The following AUTS2 variants were observed in gnomAD, a reference collection of about 807,000 sequenced individuals.
AUTS2 encodes the protein autism susceptibility gene 2 protein.
In AUTS2, 17 loss-of-function variants were observed where a neutral mutation model predicts 112.4. The ratio of observed to expected loss-of-function variants is 0.15; its 90% CI spans 0.10 to 0.23. The LOEUF (loss-of-function observed/expected upper bound fraction) is 0.23, where lower values mean the gene tolerates loss of function less well. Ranked by LOEUF, AUTS2 falls within the 10% of genes least tolerant of loss-of-function variation. The probability of loss-of-function intolerance (pLI) is 1.00; values close to 1 mark genes in which losing one functional copy is unlikely to be tolerated. For missense variants in AUTS2, 1,510 were observed against 1,701.6 expected (o/e 0.89, Z 1.98); for synonymous variants, 751 against 702.7 (o/e 1.07, Z -1.09).
At chr7:69,682,170 C>T (rs1175119008) in intron 1 of AUTS2, among the ~76,000 whole-genome samples, 1 of 152,190 alleles carries the variant, frequency 6.6e-6, no homozygotes, top group East Asian at 1.9e-4. Flanking sequence ...TGGTCATACT[C>T]CACATTTGGG....
chr7:69,620,272 G>T (rs1352438050), intron 1 of AUTS2, among the ~76,000 whole-genome samples: 1 of 152,120 alleles, frequency 6.6e-6, no homozygotes, highest in Non-Finnish European at 1.5e-5. Flanking sequence ...CTCTCTACTG[G>T]GCAAGGCTAT....
At chr7:70,561,635 G>A (rs1801490532) in intron 5 of AUTS2, among the ~76,000 whole-genome samples, 1 of 152,070 alleles carries the variant, frequency 6.6e-6, no homozygotes, top group South Asian at 2.1e-4. Flanking sequence ...AACCAGATGT[G>A]TATTAGGCTG....
At chr7:69,744,201 C>T (rs770337791) in intron 1 of AUTS2, among the ~76,000 whole-genome samples, 8 of 152,120 alleles carry the variant, frequency 5.3e-5, no homozygotes, top group East Asian at 1.9e-4. Context: ...TGTGTTTAGC[C>T]GTTCTGCTGG....
chr7:70,046,637 C>T (rs1801517254), intron 2 of AUTS2, among the ~76,000 whole-genome samples: 1 of 152,142 alleles, frequency 6.6e-6, no homozygotes, highest in Non-Finnish European at 1.5e-5. Flanking sequence ...TTTATTGGAA[C>T]ATATGATGAG....
At chr7:70,526,790 T>C (rs1799859750) in intron 5 of AUTS2, among the ~76,000 whole-genome samples, 1 of 152,248 alleles carries the variant, frequency 6.6e-6, no homozygotes, top group Non-Finnish European at 1.5e-5. Flanking sequence ...ATCTGCCTTA[T>C]GTGTGCCTTT....
chr7:70,205,636 T>C (rs1406937518), intron 4 of AUTS2, among the ~76,000 whole-genome samples: 1 of 152,202 alleles, frequency 6.6e-6, no homozygotes, highest in Non-Finnish European at 1.5e-5. Flanking sequence ...CCTAGGTGTA[T>C]AGCAGACTGT....
chr7:69,737,367 T>G (rs1319642345), intron 1 of AUTS2, among the ~76,000 whole-genome samples: 1 of 152,186 alleles, frequency 6.6e-6, no homozygotes, highest in Non-Finnish European at 1.5e-5. Context: ...CCTAATTGTA[T>G]AGATGAGGAA....
chr7:70,735,507 T>A (rs1787730379), intron 6 of AUTS2, among the ~76,000 whole-genome samples: 1 of 152,152 alleles, frequency 6.6e-6, no homozygotes, highest in African/African-American at 2.4e-5. Context: ...AAGAATGCAT[T>A]AGCCTTTGAC....
intron 5 of AUTS2, among the ~76,000 whole-genome samples, chr7:70,491,589 T>TTTTGTG (rs1554411449): frequency 3.6e-5 from 5 of 138,804 alleles, no homozygotes; most frequent in South Asian, 2.3e-4. Context: ...TGTATATATA[T>TTTTGTG]TGTGTGTGTG....
At chr7:70,729,784 A>C (rs1193706971) in intron 6 of AUTS2, among the ~76,000 whole-genome samples, 1 of 152,222 alleles carries the variant, frequency 6.6e-6, no homozygotes, top group Non-Finnish European at 1.5e-5. Context: ...TAATTGAATG[A>C]ACTGTATAAG....
chr7:69,663,925 G>A (rs781637785), intron 1 of AUTS2, among the ~76,000 whole-genome samples: 1 of 152,190 alleles, frequency 6.6e-6, no homozygotes, highest in Admixed American at 6.5e-5. Context: ...CAAACAAATT[G>A]TAATGCAGAA....
At chr7:70,253,443 A>G (rs1233011809) in intron 4 of AUTS2, among the ~76,000 whole-genome samples, 1 of 152,098 alleles carries the variant, frequency 6.6e-6, no homozygotes, top group Non-Finnish European at 1.5e-5. Context: ...GATTGTTGTT[A>G]TCTGCCAGCT....
At chr7:70,619,545 G>A (rs1804558008) in intron 5 of AUTS2, among the ~76,000 whole-genome samples, 1 of 146,892 alleles carries the variant, frequency 6.8e-6, no homozygotes, top group Non-Finnish European at 1.5e-5. Context: ...CAAATAATTA[G>A]AAGTGCTGGT....
chr7:69,805,039 A>G (rs1401708108), intron 1 of AUTS2, among the ~76,000 whole-genome samples: 1 of 152,172 alleles, frequency 6.6e-6, no homozygotes, highest in Admixed American at 6.6e-5. Flanking sequence ...GGACAGTTAT[A>G]TCTTCCTTTA....
intron 5 of AUTS2, among the ~76,000 whole-genome samples, chr7:70,441,627 T>G (rs2130936671): frequency 6.6e-6 from 1 of 152,316 alleles, no homozygotes; most frequent in South Asian, 2.1e-4. Flanking sequence ...CCTCAAGTGA[T>G]CCTCCTGCCT....
intron 2 of AUTS2, among the ~76,000 whole-genome samples, chr7:70,067,157 G>A (rs1802535616): frequency 6.6e-6 from 1 of 152,166 alleles, no homozygotes; most frequent in African/African-American, 2.4e-5. Flanking sequence ...TTGGATTACA[G>A]CCTTTTAACC....
intron 2 of AUTS2, among the ~76,000 whole-genome samples, chr7:69,917,534 GT>G (rs1795632793): frequency 1.4e-5 from 2 of 146,922 alleles, no homozygotes; most frequent in Non-Finnish European, 2.9e-5. Context: ...CTGGTTTTTT[GT>G]TAACATGGGT....
intron 1 of AUTS2, among the ~76,000 whole-genome samples, chr7:69,653,755 A>G (rs1795392650): frequency 6.6e-6 from 1 of 151,928 alleles, no homozygotes; most frequent in African/African-American, 2.4e-5. Context: ...CTGCTGGAAG[A>G]ATGTGTGCTC....
chr7:69,676,247 G>T (rs1796558552), intron 1 of AUTS2, among the ~76,000 whole-genome samples: 1 of 152,184 alleles, frequency 6.6e-6, no homozygotes, highest in Non-Finnish European at 1.5e-5. Context: ...GGAACTAGTT[G>T]TAGACCCTTA....
Sources: allele counts gnomAD v4.1 joint callset (sites outside exome capture counted in the v4.1 genomes callset), GRCh38; gene constraint gnomAD v4.1.1; transcripts MANE v1.5; gene names NCBI Gene and HGNC (gene_info 2026-07-23, HGNC 2026-07-21).